Variants in AGO2 observed in about 807,000 individuals in gnomAD.
AGO2 encodes the protein protein argonaute-2.
Under a neutral mutation model 102.3 loss-of-function variants are expected in AGO2, and 5 were observed. The observed-to-expected ratio is 0.05, with a 90% CI of 0.03 to 0.10. The LOEUF is 0.10. Ranked by LOEUF, AGO2 falls within the 10% of genes least tolerant of loss-of-function variation. AGO2 has a pLI of 1.00. For missense variants in AGO2, 541 were observed against 1,183.7 expected (o/e 0.46, Z 7.97); for synonymous variants, 449 against 473.1 (o/e 0.95, Z 0.66).
chr8:140,568,957 T>G (rs1035560096), intron 3 of AGO2, among the ~76,000 whole-genome samples: 2 of 152,188 alleles, frequency 1.3e-5, no homozygotes, highest in Admixed American at 1.3e-4. Flanking sequence ...AGGCCCAGGC[T>G]GGGCAGGCTC....
At chr8:140,628,278 C>G (rs1470881178) in intron 1 of AGO2, among the ~76,000 whole-genome samples, 3 of 152,242 alleles carry the variant, frequency 2.0e-5, no homozygotes, top group Admixed American at 1.3e-4. Context: ...GCACTGCCTC[C>G]TGAGCCACTT....
rs181470988 is a variant in AGO2, at chr8:140,543,989, G to A, written c.1839+224C>T. Among the ~76,000 whole-genome samples the A allele has an allele frequency of 7.9e-5, 12 of 152,326 alleles. No homozygotes were observed. The East Asian group carries it at 2.1e-3, about 27-fold the overall frequency. On this transcript the variant is annotated intron_variant, in intron 14 of 18. Transcript: ENST00000220592. ...ACCTCCCAAAGGGCTGGATAGGCAT[G>A]AGCCCCTATGCCCCACCTCTGACTG...
At chr8:140,586,317 A>G (rs2073654819) in intron 1 of AGO2, among the ~76,000 whole-genome samples, 2 of 152,118 alleles carry the variant, frequency 1.3e-5, no homozygotes, top group Non-Finnish European at 2.9e-5. Flanking sequence ...ACATGGTGAA[A>G]CCCTATCTCT....
At chr8:140,602,072 C>A (rs371486704) in intron 1 of AGO2, among the ~76,000 whole-genome samples, 1 of 152,218 alleles carries the variant, frequency 6.6e-6, no homozygotes, top group Non-Finnish European at 1.5e-5. Context: ...AGAACCACTG[C>A]GTTTGCATGT....
At chr8:140,592,640 C>A (rs541591504) in intron 1 of AGO2, 1 of 152,290 alleles carries the variant, frequency 6.6e-6, no homozygotes, top group South Asian at 2.1e-4. Context: ...ATAGTCTTTA[C>A]TGTTTGTTTG....
chr8:140,613,071 A>G (rs980605003), intron 1 of AGO2, among the ~76,000 whole-genome samples: 7 of 151,586 alleles, frequency 4.6e-5, no homozygotes, highest in Non-Finnish European at 1.0e-4. Context: ...GTGGTGGCAG[A>G]CGCCCGTAGT....
At chr8:140,553,312 A>G (rs2073034302) in intron 10 of AGO2, among the ~76,000 whole-genome samples, 2 of 151,954 alleles carry the variant, frequency 1.3e-5, no homozygotes, top group Admixed American at 1.3e-4. Context: ...TGAGCCCGGA[A>G]GGTCAGGGCT....
chr8:140,556,797 G>A (rs1220053764), intron 8 of AGO2, among the ~76,000 whole-genome samples: 2 of 152,178 alleles, frequency 1.3e-5, no homozygotes, highest in African/African-American at 4.8e-5. Flanking sequence ...AGTGAATGAC[G>A]CAACGGTGCA....
chr8:140,615,379 C>T (rs900757215), intron 1 of AGO2, among the ~76,000 whole-genome samples: 1 of 152,264 alleles, frequency 6.6e-6, no homozygotes, highest in African/African-American at 2.4e-5. Context: ...ATAGTCAGCA[C>T]CCACTCCTTG....
intron 16 of AGO2, among the ~76,000 whole-genome samples, chr8:140,538,685 G>A (rs1029848505): frequency 3.9e-5 from 6 of 152,192 alleles, no homozygotes; most frequent in East Asian, 1.9e-4. Context: ...CAATTCTTAC[G>A]ACTGCACAGC....
intron 4 of AGO2, among the ~76,000 whole-genome samples, chr8:140,561,574 G>T (rs2073202967): frequency 2.0e-5 from 3 of 152,186 alleles, no homozygotes; most frequent in Admixed American, 2.0e-4. Context: ...CAGATTACAC[G>T]TGGGGGAAGG....
At chr8:140,616,655 C>T (rs972852105) in intron 1 of AGO2, among the ~76,000 whole-genome samples, 3 of 152,202 alleles carry the variant, frequency 2.0e-5, no homozygotes, top group Non-Finnish European at 4.4e-5. Context: ...AGAGGAGGAG[C>T]TGACACAGGG....
chr8:140,555,759 C>T (rs1407263544), intron 10 of AGO2, 137 bp downstream of exon 10: 38 of 1,277,464 alleles, frequency 3.0e-5, no homozygotes, highest in Non-Finnish European at 3.5e-5. Flanking sequence ...ACGTCTTTTA[C>T]AGGCTCAGCC....
chr8:140,621,706 T>G (rs2074219409), intron 1 of AGO2, among the ~76,000 whole-genome samples: 1 of 152,196 alleles, frequency 6.6e-6, no homozygotes. Flanking sequence ...ACATCTTAAA[T>G]CTAACATTTT....
intron 1 of AGO2, among the ~76,000 whole-genome samples, chr8:140,595,845 ATTATATTTATATTATATACAATTG>A (rs2073826368): frequency 5.0e-5 from 2 of 39,812 alleles, no homozygotes; most frequent in Non-Finnish European, 1.3e-4. Context: ...AATTGTATAT[ATTATATTTATATTATATACAATTG>A]TATATTATAT....
chr8:140,563,250 T>C (rs1187239099), intron 3 of AGO2, among the ~76,000 whole-genome samples: 3 of 152,188 alleles, frequency 2.0e-5, no homozygotes, highest in African/African-American at 7.2e-5. Context: ...CCACTTTTGT[T>C]GAGACAGGGT....
At chr8:140,634,385 GT>G (rs1010311613) in intron 1 of AGO2, among the ~76,000 whole-genome samples, 3 of 152,364 alleles carry the variant, frequency 2.0e-5, no homozygotes, top group Middle Eastern at 3.4e-3. Flanking sequence ...GCCCGGCCGG[GT>G]AAACATAAGC....
At chr8:140,542,590 C>A (rs972249869) in intron 14 of AGO2, among the ~76,000 whole-genome samples, 12 of 142,430 alleles carry the variant, frequency 8.4e-5, no homozygotes, top group Non-Finnish European at 1.4e-4. Flanking sequence ...AAAAAAAAAA[C>A]CAGCCTAAGG....
At chr8:140,620,693 CCT>C (rs1055980736) in intron 1 of AGO2, among the ~76,000 whole-genome samples, 1 of 151,866 alleles carries the variant, frequency 6.6e-6, no homozygotes, top group African/African-American at 2.4e-5. Context: ...ATGGAGAGAC[CCT>C]GTCTCTACAA....
Sources: allele counts gnomAD v4.1 joint callset (sites outside exome capture counted in the v4.1 genomes callset), GRCh38; gene constraint gnomAD v4.1.1; transcripts MANE v1.5; gene names NCBI Gene and HGNC (gene_info 2026-07-23, HGNC 2026-07-21).